Variants in FGGY observed in about 807,000 individuals in gnomAD.
FGGY encodes the protein FGGY carbohydrate kinase domain containing.
In FGGY, 72 loss-of-function variants were observed where a neutral mutation model predicts 71.3. The ratio of observed to expected loss-of-function variants is 1.01; its 90% CI spans 0.84 to 1.23. FGGY has a LOEUF of 1.23. Among genes scored for constraint, FGGY ranks in the 50% most tolerant of loss-of-function variants. The pLI, the probability that FGGY is intolerant of heterozygous loss-of-function variation, is 0.00. For synonymous variants in FGGY, 251 were observed against 250.3 expected, an observed-to-expected ratio of 1.00 and a Z score of -0.02; for missense variants, 668 against 682.3, an observed-to-expected ratio of 0.98 and a Z score of 0.23.
intron 7 of FGGY, among the ~76,000 whole-genome samples, chr1:59,538,857 A>T (rs1282571880): frequency 1.7e-5 from 1 of 59,968 alleles, no homozygotes; most frequent in African/African-American, 6.9e-5. Flanking sequence ...GGGTGGGGGG[A>T]GGGGGGAGGG....
chr1:59,624,956 CAA>C lies in FGGY; in HGVS notation c.1012-1030_1012-1029del, dbSNP rs543297486. 2.7e-3 allele frequency among the ~76,000 whole-genome samples: 415 copies of C among 152,252 alleles called. 3 individuals are homozygous for C. Among genetic ancestry groups the C allele is most frequent in the African/African-American group, 9.5e-3 (393 of 41,548 alleles). The stretch of plus-strand genomic sequence containing the variant: ...GTTCAAAACAGTTTAGTGACTTGCA[CAA>C]AGTCACTCAGCTAGTGAGACTCAGA... On this transcript the variant is annotated intron_variant, in intron 9 of 15. Transcript: ENST00000303721.
Position 59,328,892 on chromosome 1 carries a change from C to T in FGGY, c.201+7142C>T, listed in dbSNP as rs116117347. 8.4e-3 allele frequency among the ~76,000 whole-genome samples: 1,272 copies of T among 151,530 alleles called. 15 individuals are homozygous for T. The highest frequency in any genetic ancestry group is 0.029 in the African/African-American group (1,195 of 41,274). ...ACCACATTTATCTATTAAGTTTGCC[C>T]GTCTTATATGGGTGCAGTTTGTGGT... On this transcript the variant is annotated intron_variant, in intron 2 of 15. Coordinates refer to ENST00000303721, the MANE Select transcript of FGGY (RefSeq NM_018291.5).
chr1:59,387,337 A>G (rs2060190418), intron 5 of FGGY, among the ~76,000 whole-genome samples: 1 of 152,150 alleles, frequency 6.6e-6, no homozygotes, highest in Non-Finnish European at 1.5e-5. Context: ...ACATCTGTAT[A>G]GTATCCTATC....
chr1:59,471,776 A>G (rs2092953220), intron 6 of FGGY, among the ~76,000 whole-genome samples: 1 of 152,188 alleles, frequency 6.6e-6, no homozygotes, highest in Non-Finnish European at 1.5e-5. Flanking sequence ...TCTCATGTCT[A>G]CTAGGGGTAG....
chr1:59,413,300 G>A (rs2063871920), intron 5 of FGGY, among the ~76,000 whole-genome samples: 1 of 152,134 alleles, frequency 6.6e-6, no homozygotes, highest in Admixed American at 6.5e-5. Flanking sequence ...GACTATGTTT[G>A]TTTACTTTGT....
At chr1:59,416,300 T>C (rs1328454009) in intron 5 of FGGY, among the ~76,000 whole-genome samples, 1 of 152,130 alleles carries the variant, frequency 6.6e-6, no homozygotes, top group East Asian at 1.9e-4. Context: ...TGTAACAGCA[T>C]AAGTAGATAC....
intron 6 of FGGY, among the ~76,000 whole-genome samples, chr1:59,471,351 T>A (rs1175663527): frequency 6.6e-6 from 1 of 152,206 alleles, no homozygotes; most frequent in Non-Finnish European, 1.5e-5. Context: ...TAAACCTCTT[T>A]TCTTCATAAA....
intron 4 of FGGY, among the ~76,000 whole-genome samples, chr1:59,352,562 T>A (rs1228292169): frequency 2.0e-5 from 3 of 152,036 alleles, no homozygotes; most frequent in Admixed American, 2.0e-4. Flanking sequence ...ACTGGGAAAA[T>A]GAGGAAATGA....
chr1:59,634,425 A>G (rs917368573), intron 10 of FGGY, among the ~76,000 whole-genome samples: 2 of 152,290 alleles, frequency 1.3e-5, no homozygotes, highest in African/African-American at 4.8e-5. Flanking sequence ...AAAAAGAAAA[A>G]GTAAGGAACT....
chr1:59,738,175 C>A (rs994034944), intron 14 of FGGY, among the ~76,000 whole-genome samples: 1 of 152,150 alleles, frequency 6.6e-6, no homozygotes, highest in African/African-American at 2.4e-5. Flanking sequence ...TTGAAGAAAA[C>A]GTTCTCACAG....
chr1:59,644,700 G>C (rs1041646861), intron 11 of FGGY, among the ~76,000 whole-genome samples: 5 of 151,616 alleles, frequency 3.3e-5, no homozygotes, highest in African/African-American at 4.9e-5. Flanking sequence ...AATATAGGCC[G>C]GGTGCGGTGG....
At chr1:59,370,664 A>G (rs1367791425) in intron 4 of FGGY, among the ~76,000 whole-genome samples, 1 of 151,926 alleles carries the variant, frequency 6.6e-6, no homozygotes, top group African/African-American at 2.4e-5. Context: ...GAGAAAGGTC[A>G]GGTTACCCAC....
chr1:59,316,708 G>T (rs1196547134), intron 1 of FGGY, among the ~76,000 whole-genome samples: 1 of 152,186 alleles, frequency 6.6e-6, no homozygotes, highest in Non-Finnish European at 1.5e-5. Flanking sequence ...CTAAAAGTCA[G>T]TCCAGTCCAT....
At chr1:59,757,302 T>C (rs2143593) in intron 14 of FGGY, among the ~76,000 whole-genome samples, 11,214 of 152,268 alleles carry the variant, frequency 0.074, 474 homozygotes, top group Admixed American at 0.098. Context: ...ATACCATGTC[T>C]ACCCAGATGC....
intron 11 of FGGY, among the ~76,000 whole-genome samples, chr1:59,645,670 T>A (rs1037634114): frequency 3.9e-5 from 6 of 152,324 alleles, no homozygotes; most frequent in African/African-American, 1.2e-4. Flanking sequence ...TCACAAAAAA[T>A]TGGCGTGGCC....
At position 59,749,652 on chromosome 1, in the gene FGGY, C is replaced by T. The variant is rs186087020; in HGVS notation, c.1513-8279C>T. ...TGTGGTGCATGAATCCAATACACAC[C>T]CCTGGCCACATGGAGCTTGCATGCT... On this transcript the variant is annotated intron_variant, in intron 14 of 15. Transcript: ENST00000303721. 3.9e-5 allele frequency among the ~76,000 whole-genome samples: 6 copies of T among 152,142 alleles called. No individual in the cohort carries two copies. The East Asian group carries it at 1.2e-3, about 29-fold the overall frequency.
chr1:59,447,417 G>A (rs57050717), intron 5 of FGGY, among the ~76,000 whole-genome samples: 1,807 of 152,140 alleles, frequency 0.012, 31 homozygotes, highest in African/African-American at 0.041. Flanking sequence ...TTGAGGGCTG[G>A]CCTGCAAAAA....
chr1:59,733,715 T>C (rs969024056), intron 14 of FGGY, among the ~76,000 whole-genome samples: 8 of 152,212 alleles, frequency 5.3e-5, no homozygotes, highest in Non-Finnish European at 1.0e-4. Context: ...AGTTACTCCA[T>C]GTCCCTGAAT....
At chr1:59,372,813 T>C (rs1042149141) in intron 4 of FGGY, among the ~76,000 whole-genome samples, 43 of 152,066 alleles carry the variant, frequency 2.8e-4, no homozygotes, top group Non-Finnish European at 5.3e-4. Context: ...AAAAACCACA[T>C]GATTATCTCA....
Sources: allele counts gnomAD v4.1 joint callset (sites outside exome capture counted in the v4.1 genomes callset), GRCh38; gene constraint gnomAD v4.1.1; transcripts MANE v1.5; gene names NCBI Gene and HGNC (gene_info 2026-07-23, HGNC 2026-07-21).